The following CD36 variants were observed in gnomAD, a reference collection of about 807,000 sequenced individuals.
CD36 encodes the protein platelet glycoprotein 4.
Under a neutral mutation model 55.2 loss-of-function variants are expected in CD36, and 119 were observed. The observed-to-expected ratio is 2.15, with a 90% CI of 1.86 to 2.51. The LOEUF is 2.51. Among genes scored for constraint, CD36 ranks in the 30% most tolerant of loss-of-function variants. CD36 has a pLI of 0.00. For missense variants in CD36, 819 were observed against 555.5 expected, an observed-to-expected ratio of 1.47 and a Z score of -4.77; for synonymous variants, 186 against 193.6, an observed-to-expected ratio of 0.96 and a Z score of 0.33.
intron 1 of CD36, among the ~76,000 whole-genome samples, chr7:80,619,782 A>G (rs543297584): frequency 6.6e-6 from 1 of 152,300 alleles, no homozygotes; most frequent in Admixed American, 6.5e-5. Flanking sequence ...TTTGTGATTC[A>G]TAGGAAAGGT....
intron 7 of CD36, among the ~76,000 whole-genome samples, chr7:80,664,956 C>CTAAATGTGTCTATA (rs1225797795): frequency 2.0e-5 from 3 of 151,646 alleles, no homozygotes; most frequent in Non-Finnish European, 2.9e-5. Context: ...GTGGCATGAC[C>CTAAATGTGTCTATA]TAAATGTGTC....
chr7:80,662,988 AGGCTGCATCCC>A lies in CD36; in HGVS notation c.430-1_439del, dbSNP rs770247327. 1 of 1,608,466 alleles carries A rather than the reference AGGCTGCATCCC, an allele frequency of 6.2e-7. No homozygotes were observed. The highest frequency in any genetic ancestry group is 1.3e-5 in the African/African-American group (1 of 74,908). ...TCTTAAACAGTGACTTTGTTTTTGTAGGCTGCATCCCATATCTATCAAAATCAATTTGTTCA... is the reference window on the plus strand; with the variant it reads ...TCTTAAACAGTGACTTTGTTTTTGTAATATCTATCAAAATCAATTTGTTCA... On this transcript the variant is annotated splice_acceptor_variant and coding_sequence_variant, in exon 6 of 15. Coordinates refer to ENST00000447544, the MANE Select transcript of CD36 (RefSeq NM_001001548.3). LOFTEE classifies it high-confidence loss of function.
In CD36 at chr7:80,677,722, A is replaced by G. The variant is rs986126156; in HGVS notation, c.*1339A>G. 1.6e-4 allele frequency: 24 copies of G among 151,974 alleles called. No homozygotes were observed. The highest frequency in any genetic ancestry group is 5.8e-4 in the African/African-American group (24 of 41,288). The allele number at this position is 151,974 out of a possible 1,614,324, so 9.4% of individuals were successfully genotyped here. On this transcript the variant is annotated 3_prime_UTR_variant, in exon 15 of 15. Coordinates refer to ENST00000447544, the MANE Select transcript of CD36 (RefSeq NM_001001548.3). The stretch of plus-strand genomic sequence containing the variant: ...GGACATGTCCATCTAATATAAAGGA[A>G]AGTTTTTTAATCATTGAGGCATGTA...
At chr7:80,668,364 G>A (rs1284086766) in intron 8 of CD36, among the ~76,000 whole-genome samples, 1 of 152,136 alleles carries the variant, frequency 6.6e-6, no homozygotes, top group East Asian at 1.9e-4. Flanking sequence ...ACAGAGCAGG[G>A]GATGATCCCT....
intron 1 of CD36, among the ~76,000 whole-genome samples, chr7:80,632,390 T>C (rs1794130646): frequency 6.6e-6 from 1 of 152,058 alleles, no homozygotes. Flanking sequence ...TCAGGCATGC[T>C]TCTGTGTTCC....
At chr7:80,651,913 C>T (rs938609919) in intron 3 of CD36, among the ~76,000 whole-genome samples, 2 of 151,812 alleles carry the variant, frequency 1.3e-5, no homozygotes, top group Non-Finnish European at 1.5e-5. Flanking sequence ...TGTCTCCCCC[C>T]GCAAAAAATT....
chr7:80,659,431 G>C (rs1269261518), intron 4 of CD36, among the ~76,000 whole-genome samples: 1 of 152,092 alleles, frequency 6.6e-6, no homozygotes, highest in East Asian at 1.9e-4. Context: ...AATTCCTTCA[G>C]AATATTCTTA....
At chr7:80,661,607 T>C (rs1476077500) in intron 5 of CD36, among the ~76,000 whole-genome samples, 2 of 152,162 alleles carry the variant, frequency 1.3e-5, no homozygotes, top group Admixed American at 6.6e-5. Context: ...AATTTTACTA[T>C]AAGCAATAAA....
At chr7:80,670,872 A>AAAGAGTATATGATGTTTCTAAG in intron 9 of CD36, 105 bp from the exon 10 acceptor site, 2 of 822,968 alleles carry the variant, frequency 2.4e-6, no homozygotes, top group Non-Finnish European at 4.1e-6. Context: ...CAAGAATTTA[A>AAAGAGTATATGATGTTTCTAAG]AAGAGTATAT....
rs1797727130 is a variant in CD36 at position 80,672,015 on chromosome 7, A to ATAGGACATACTTGGATAT, written c.1102_1119dup (p.Arg368_Ile373dup). ...GGATTAAACCCAAATGAAGAAGAAC[A>ATAGGACATACTTGGATAT]TAGGACATACTTGGATATTGAACCT... is the stretch of plus-strand genomic sequence containing the variant. On this transcript the variant is annotated inframe_insertion, in exon 11 of 15. Transcript: ENST00000447544. 1 of 1,608,336 alleles carries ATAGGACATACTTGGATAT rather than the reference A, an allele frequency of 6.2e-7. No individual in the cohort carries two copies. The highest frequency in any genetic ancestry group is 1.7e-5 in the Admixed American group (1 of 59,918).
chr7:80,646,778 C>A lies in CD36; in HGVS notation c.38C>A (p.Ala13Asp). ...CGGAACTGTGGGCTCATCGCTGGGGCTGTCATTGGTGCTGTCCTGGCTGTG... is the reference window on the plus strand; with the variant it reads ...CGGAACTGTGGGCTCATCGCTGGGGATGTCATTGGTGCTGTCCTGGCTGTG... ...CDRNCGLIAG[A>D]VIGAVLAVFG... Residue 13 changes from alanine (A) to aspartate (D), a missense_variant, in exon 3 of 15, where the codon GCT becomes GAT. By Grantham distance (126) the Ala-to-Asp change is moderately radical. Coordinates refer to ENST00000447544, the MANE Select transcript of CD36 (RefSeq NM_001001548.3). The A allele has an allele frequency of 6.2e-7, 1 of 1,613,962 alleles. No homozygotes were observed. The highest frequency in any genetic ancestry group is 1.3e-5 in the African/African-American group (1 of 75,012).
At chr7:80,604,507 G>A (rs1187071105) in intron 1 of CD36, among the ~76,000 whole-genome samples, 3 of 151,246 alleles carry the variant, frequency 2.0e-5, no homozygotes, top group Non-Finnish European at 4.4e-5. Context: ...AACACTTTTA[G>A]ATACGTGCTT....
intron 1 of CD36, among the ~76,000 whole-genome samples, chr7:80,610,471 G>A (rs1462820787): frequency 1.3e-5 from 2 of 152,040 alleles, no homozygotes; most frequent in African/African-American, 2.4e-5. Flanking sequence ...AGTCGCTGAG[G>A]CTTCTTTCCT....
chr7:80,649,452 T>C (rs146268933), intron 3 of CD36, among the ~76,000 whole-genome samples: 1 of 151,100 alleles, frequency 6.6e-6, no homozygotes, highest in African/African-American at 2.4e-5. Flanking sequence ...CTGCACATTA[T>C]ATAACAAAAG....
At position 80,669,951 on chromosome 7, in the gene CD36, A is replaced by C. The variant is rs1241672156; in HGVS notation, c.749-2A>C. 1.2e-6 allele frequency: 2 copies of C among 1,609,468 alleles called. No individual in the cohort carries two copies. Among genetic ancestry groups the C allele is most frequent in the South Asian group, 1.1e-5 (1 of 91,000 alleles). On this transcript the variant is annotated splice_acceptor_variant, in intron 8 of 14. Coordinates refer to ENST00000447544, the MANE Select transcript of CD36 (RefSeq NM_001001548.3). LOFTEE classifies it high-confidence loss of function. ...ATCATTTGCCACTCGATTTTTAAAC[A>C]GATGCAGCCTCATTTCCACCTTTTG...
intron 1 of CD36, among the ~76,000 whole-genome samples, chr7:80,612,220 C>T (rs1792912032): frequency 6.6e-6 from 1 of 152,150 alleles, no homozygotes; most frequent in East Asian, 1.9e-4. Context: ...TTCTTAAGTT[C>T]TATAATATGC....
rs28659874 is a variant in CD36 at position 80,664,664 on chromosome 7, G to A, written c.701+167G>A. On this transcript the variant is annotated intron_variant, in intron 7 of 14. Transcript: ENST00000447544. Reference sequence around the variant, plus strand: ...GCTAGGTATTAACTCTTTAGTTGTGGTAACTGGTGAGTTCACACCAGTGCA... The same window carrying A: ...GCTAGGTATTAACTCTTTAGTTGTGATAACTGGTGAGTTCACACCAGTGCA... Among the ~76,000 whole-genome samples, 2,120 of 152,050 alleles carry A rather than the reference G, an allele frequency of 0.014. 56 individuals carry two copies. Among genetic ancestry groups the A allele is most frequent in the African/African-American group, 0.048 (2,000 of 41,500 alleles).
In CD36 at chr7:80,671,989, T is replaced by G. The variant is rs370851852; in HGVS notation, c.1074T>G (p.Asp358Glu). 14 of 1,609,092 alleles carry G rather than the reference T, an allele frequency of 8.7e-6. No individual in the cohort carries two copies. The highest frequency in any genetic ancestry group is 4.0e-5 in the African/African-American group (3 of 74,796). ...YASPDVSEPIDGLNPNEEEHR... is the reference protein window; with the variant it reads ...YASPDVSEPIEGLNPNEEEHR... The stretch of plus-strand genomic sequence containing the variant: ...GTCCTGATGTTTCAGAACCTATTGA[T>G]GGATTAAACCCAAATGAAGAAGAAC... The change falls in exon 11 of 15, where the codon GAT becomes GAG. Residue 358 changes from aspartate to glutamate, a missense_variant. Asp to Glu is a conservative substitution (Grantham distance 45). Transcript: ENST00000447544.
chr7:80,629,093 T>C (rs992214187), intron 1 of CD36, among the ~76,000 whole-genome samples: 3 of 151,986 alleles, frequency 2.0e-5, no homozygotes, highest in Admixed American at 2.0e-4. Flanking sequence ...TTCACAAACC[T>C]AAATTAGCTG....
Sources: gnomAD v4.1 joint callset for allele counts (sites outside exome capture counted in the v4.1 genomes callset) on GRCh38, gnomAD v4.1.1 for gene constraint, MANE v1.5 for transcripts, NCBI Gene and HGNC (gene_info 2026-07-23, HGNC 2026-07-21) for gene names.